The following ZNF766 variants were observed in gnomAD, a reference collection of about 807,000 sequenced individuals.
ZNF766 encodes zinc finger protein 766.
A neutral mutation model predicts 13.2 loss-of-function variants in ZNF766; 13 were observed. The observed-to-expected ratio is 0.98, with a 90% CI of 0.64 to 1.56. The LOEUF (loss-of-function observed/expected upper bound fraction) is 1.56, where lower values mean the gene tolerates loss of function less well. ZNF766 is among the 40% of genes most tolerant of loss of function. The probability of loss-of-function intolerance (pLI) is 0.00; values close to 1 mark genes in which losing one functional copy is unlikely to be tolerated. For missense variants in ZNF766, 521 were observed against 552.2 expected (o/e 0.94, Z 0.57); for synonymous variants, 178 against 187.6 (o/e 0.95, Z 0.42).
chr19:52,283,414 G>T lies in ZNF766; in HGVS notation c.274+1G>T, dbSNP rs186225323. 6.3e-7 allele frequency: 1 copy of T among 1,585,036 alleles called. No individual in the cohort carries two copies. Among genetic ancestry groups the T allele is most frequent in the Non-Finnish European group, 8.6e-7 (1 of 1,164,800 alleles). On this transcript the variant is annotated splice_donor_variant, in intron 3 of 3. Coordinates refer to ENST00000439461, the MANE Select transcript of ZNF766 (RefSeq NM_001010851.3). LOFTEE classifies it high-confidence loss of function. ...GAAGGTATCAAAGATATCAACACAG[G>T]TAAGAGCTCAGATGGACAGAGTGAA...
chr19:52,290,060 T>A lies in ZNF766; in HGVS notation c.275-6T>A. The A allele has an allele frequency of 6.3e-7, 1 of 1,589,760 alleles. No homozygotes were observed. The highest frequency in any genetic ancestry group is 8.6e-7 in the Non-Finnish European group (1 of 1,169,002). On this transcript the variant is annotated splice_region_variant and splice_polypyrimidine_tract_variant and intron_variant, in intron 3 of 3. Transcript: ENST00000439461. ...TTCAAATTATACTCTTTACTTGCTTTCCTAGGGAGGAGCTGTGCAGTGAGA... is the reference window on the plus strand; with the variant it reads ...TTCAAATTATACTCTTTACTTGCTTACCTAGGGAGGAGCTGTGCAGTGAGA...
intron 1 of ZNF766, among the ~76,000 whole-genome samples, chr19:52,271,944 C>T (rs865832935): frequency 3.5e-5 from 5 of 143,230 alleles, no homozygotes; most frequent in Middle Eastern, 3.6e-3. Flanking sequence ...ATCATGCCAC[C>T]GCACTCCAGC....
In ZNF766 at chr19:52,291,211, C is replaced by CATG; in HGVS notation, c.*13_*14insATG. 1 of 1,546,244 alleles carries CATG rather than the reference C, an allele frequency of 6.5e-7. No homozygotes were observed. The highest frequency in any genetic ancestry group is 8.7e-7 in the Non-Finnish European group (1 of 1,149,430). On this transcript the variant is annotated 3_prime_UTR_variant, in exon 4 of 4. Coordinates refer to ENST00000439461, the MANE Select transcript of ZNF766 (RefSeq NM_001010851.3). ...CCTTACAAACTGAGTTTGGCAAACT[C>CATG]TATCATAAGTTCTAGCAGTAATCAA...
At chr19:52,274,364 C>G (rs1187932513) in intron 1 of ZNF766, 1 of 152,566 alleles carries the variant, frequency 6.6e-6, no homozygotes, top group African/African-American at 2.4e-5. Context: ...CTGAAAAATT[C>G]CCGTTGCCTA....
chr19:52,281,245 G>A (rs1395469349), intron 1 of ZNF766, among the ~76,000 whole-genome samples: 1 of 152,060 alleles, frequency 6.6e-6, no homozygotes, highest in African/African-American at 2.4e-5. Flanking sequence ...TGGGCCGGGT[G>A]CGGTGGCTCA....
rs1982222467 is a variant in ZNF766, at chr19:52,293,124, G to A, written c.*1926G>A. 1 of 150,970 alleles carries A rather than the reference G, an allele frequency of 6.6e-6. No homozygotes were observed. 9.4% of individuals were successfully genotyped at this position (150,970 alleles called of 1,614,324 possible). A position where few individuals can be genotyped will look rare whatever the true frequency, so the allele number is the denominator to read the frequency against. ...AATGATGGTTTCCAGCTTCATCAATGTCCCTGCAAAGGACATGAACTCATC... is the reference window on the plus strand; with the variant it reads ...AATGATGGTTTCCAGCTTCATCAATATCCCTGCAAAGGACATGAACTCATC... On this transcript the variant is annotated 3_prime_UTR_variant, in exon 4 of 4. Coordinates refer to ENST00000439461, the MANE Select transcript of ZNF766 (RefSeq NM_001010851.3).
In ZNF766 at chr19:52,295,241, T is replaced by G. The variant is rs1289827182; in HGVS notation, c.*4043T>G. On this transcript the variant is annotated 3_prime_UTR_variant, in exon 4 of 4. Transcript: ENST00000439461. ...TGTCACCCAGGCTGGAGTGCAGCGG[T>G]GTGATCTTGGCTCATTGCAGCCTCC... The G allele has an allele frequency of 2.0e-5, 3 of 151,342 alleles. No individual in the cohort carries two copies. The highest frequency in any genetic ancestry group is 1.5e-5 in the Non-Finnish European group (1 of 67,912). The allele number at this position is 151,342 out of a possible 1,614,324, so 9.4% of individuals were successfully genotyped here.
intron 1 of ZNF766, among the ~76,000 whole-genome samples, chr19:52,272,558 C>G (rs750222571): frequency 8.5e-5 from 13 of 152,070 alleles, no homozygotes; most frequent in Non-Finnish European, 1.6e-4. Context: ...CCTTGAACTC[C>G]CGGGCTCAGG....
At chr19:52,285,346 T>G (rs577968485) in intron 3 of ZNF766, among the ~76,000 whole-genome samples, 7 of 152,156 alleles carry the variant, frequency 4.6e-5, no homozygotes, top group Admixed American at 3.3e-4. Flanking sequence ...GTCCCACAGG[T>G]TTAGGGCTCA....
At chr19:52,270,910 G>A (rs1437538809) in intron 1 of ZNF766, among the ~76,000 whole-genome samples, 1 of 152,022 alleles carries the variant, frequency 6.6e-6, no homozygotes, top group Admixed American at 6.6e-5. Flanking sequence ...TCAGCCACCC[G>A]AGTAGCTGGG....
chr19:52,283,190 A>C, intron 2 of ZNF766, 95 bp from the exon 3 acceptor site: 1 of 1,466,030 alleles, frequency 6.8e-7, no homozygotes, highest in Non-Finnish European at 9.1e-7. Context: ...ACTGGCTTTA[A>C]AGGATTAATT....
Position 52,295,111 on chromosome 19 carries a change from G to T in ZNF766, c.*3913G>T, listed in dbSNP as rs554189795. 6.6e-6 allele frequency: 1 copy of T among 151,050 alleles called. No individual in the cohort carries two copies. 9.4% of individuals were successfully genotyped at this position (151,050 alleles called of 1,614,324 possible). On this transcript the variant is annotated 3_prime_UTR_variant, in exon 4 of 4. Coordinates refer to ENST00000439461, the MANE Select transcript of ZNF766 (RefSeq NM_001010851.3). ...TTATATTTTGTGTTTATATATGCAC[G>T]TATAGACACATATATAATATTTTTT...
intron 1 of ZNF766, among the ~76,000 whole-genome samples, chr19:52,271,882 C>T (rs1254876779): frequency 2.0e-5 from 3 of 150,776 alleles, no homozygotes; most frequent in East Asian, 3.9e-4. Flanking sequence ...GTCACTTGAA[C>T]CCAGGAGGTG....
At chr19:52,283,447 C>CTTTTTT in intron 3 of ZNF766, 34 bp downstream of exon 3, 1 of 1,369,274 alleles carries the variant, frequency 7.3e-7, no homozygotes, top group Non-Finnish European at 9.6e-7. Flanking sequence ...GAAAGCCACA[C>CTTTTTT]TTTTTTTTTT....
intron 1 of ZNF766, among the ~76,000 whole-genome samples, chr19:52,270,491 C>T (rs1299315087): frequency 6.6e-6 from 1 of 151,936 alleles, no homozygotes; most frequent in Non-Finnish European, 1.5e-5. Flanking sequence ...GCGGGAGGCT[C>T]CTCAGACAAA....
At position 52,290,352 on chromosome 19, in the gene ZNF766, C is replaced by T. The variant is rs1568623209; in HGVS notation, c.561C>T (p.Tyr187=). 5 of 1,613,950 alleles carry T rather than the reference C, an allele frequency of 3.1e-6. No individual in the cohort carries two copies. The highest frequency in any genetic ancestry group is 1.3e-5 in the African/African-American group (1 of 74,938). Residue 187 remains tyrosine (Y), a synonymous_variant, in exon 4 of 4, where the codon TAC becomes TAT. Coordinates refer to ENST00000439461, the MANE Select transcript of ZNF766 (RefSeq NM_001010851.3). ...AAGCACACATTAGGAGAAAACCTTA[C>T]GAATGTAATGAGCAGGGCAAAGTCT... ...EQKAHIRRKP[Y]ECNEQGKVFR...
chr19:52,287,177 C>T (rs1006968661), intron 3 of ZNF766, among the ~76,000 whole-genome samples: 3 of 151,214 alleles, frequency 2.0e-5, no homozygotes, highest in South Asian at 2.1e-4. Flanking sequence ...GAGTCTCGCC[C>T]GGTCGCCCAG....
At position 52,282,159 on chromosome 19, in the gene ZNF766, T is replaced by A; in HGVS notation, c.67T>A (p.Trp23Arg). ...GGCCATAGAATTCTCTCAGGAGGAG[T>A]GGAAATGCCTGGACCCTGTGCAGAA... ...DVAIEFSQEE[W>R]KCLDPVQKAL... The change falls in exon 2 of 4, where the codon TGG (tryptophan) becomes AGG (arginine). Residue 23 changes from tryptophan to arginine, a missense_variant. Transcript: ENST00000439461. The A allele has an allele frequency of 6.2e-7, 1 of 1,605,758 alleles. No individual in the cohort carries two copies. Among genetic ancestry groups the A allele is most frequent in the Non-Finnish European group, 8.5e-7 (1 of 1,174,714 alleles).
At chr19:52,273,617 A>G (rs565715382) in intron 1 of ZNF766, among the ~76,000 whole-genome samples, 21 of 152,278 alleles carry the variant, frequency 1.4e-4, no homozygotes, top group African/African-American at 4.6e-4. Context: ...TTTCTTCCCC[A>G]GGTCTTTGTT....
Sources: allele counts gnomAD v4.1 joint callset (sites outside exome capture counted in the v4.1 genomes callset), GRCh38; gene constraint gnomAD v4.1.1; transcripts MANE v1.5; gene names NCBI Gene and HGNC (gene_info 2026-07-23, HGNC 2026-07-21).